The following PPP1R10 variants were observed in gnomAD, a reference collection of about 807,000 sequenced individuals.
PPP1R10 encodes protein phosphatase 1 regulatory subunit 10, also known as serine/threonine-protein phosphatase 1 regulatory subunit 10.
PPP1R10 carries 15 observed loss-of-function variants against 99.0 expected under a neutral mutation model. The ratio of observed to expected loss-of-function variants is 0.15; its 90% CI spans 0.10 to 0.23. The LOEUF (loss-of-function observed/expected upper bound fraction) is 0.23. Ranked by LOEUF, PPP1R10 falls within the 10% of genes least tolerant of loss-of-function variation. The pLI, the probability that PPP1R10 is intolerant of heterozygous loss-of-function variation, is 1.00. For synonymous variants in PPP1R10, 430 were observed against 449.5 expected (o/e 0.96, Z 0.55); for missense variants, 947 against 1,259.4 (o/e 0.75, Z 3.75).
chr6:30,615,728 C>T (rs1322076317), intron 2 of PPP1R10, among the ~76,000 whole-genome samples: 2 of 152,064 alleles, frequency 1.3e-5, no homozygotes, highest in Non-Finnish European at 2.9e-5. Flanking sequence ...AAATGTTAAT[C>T]ACTCTTTTGC....
chr6:30,611,436 G>C (rs528866885), intron 2 of PPP1R10, among the ~76,000 whole-genome samples: 2 of 152,272 alleles, frequency 1.3e-5, no homozygotes, highest in East Asian at 3.9e-4. Flanking sequence ...CCTACATCTA[G>C]CACAGAAGTA....
Position 30,604,807 on chromosome 6 carries a change from A to G in PPP1R10, c.955-72T>C. On this transcript the variant is annotated intron_variant, in intron 11 of 19. Transcript: ENST00000376511. The surrounding 1 kb of genome is among the most constrained non-coding windows in gnomAD (Gnocchi z 7.3). The stretch of plus-strand genomic sequence containing the variant: ...GGCAAGGCAATTAGTCCAGGGTCCC[A>G]GGCACAGTCCCCCAACAGTTCCTAT... 1 of 1,595,748 alleles carries G rather than the reference A, an allele frequency of 6.3e-7. No individual in the cohort carries two copies. The highest frequency in any genetic ancestry group is 1.1e-5 in the South Asian group (1 of 90,698).
chr6:30,605,190 C>A, intron 10 of PPP1R10, 96 bp from the exon 11 acceptor site: 1 of 1,094,860 alleles, frequency 9.1e-7, no homozygotes, highest in Non-Finnish European at 1.3e-6. Flanking sequence ...CCAGTGAAGA[C>A]CCTGCCTCAA....
chr6:30,616,749 G>C lies in PPP1R10; in HGVS notation c.-283C>G, dbSNP rs1274672279. On this transcript the variant is annotated 5_prime_UTR_variant, in exon 2 of 20. Coordinates refer to ENST00000376511, the MANE Select transcript of PPP1R10 (RefSeq NM_002714.4). ...AGTGAATTTGGGTGGTTTGGGAAGGGAGGGTGGTTGATTATTTTTGAAGTT... is the reference window on the plus strand; with the variant it reads ...AGTGAATTTGGGTGGTTTGGGAAGGCAGGGTGGTTGATTATTTTTGAAGTT... 1 of 152,168 alleles carries C rather than the reference G, an allele frequency of 6.6e-6. No individual in the cohort carries two copies. Among genetic ancestry groups the C allele is most frequent in the Non-Finnish European group, 1.5e-5 (1 of 68,030 alleles). The allele number at this position is 152,168 out of a possible 1,614,324, so 9.4% of individuals were successfully genotyped here.
chr6:30,601,433 C>T lies in PPP1R10; in HGVS notation c.*116G>A, dbSNP rs150431954. The T allele has an allele frequency of 7.3e-3, 6,022 of 820,810 alleles. 31 individuals are homozygous for T. Among genetic ancestry groups the T allele is most frequent in the Non-Finnish European group, 9.7e-3 (4,945 of 512,404 alleles). 50.8% of individuals were successfully genotyped at this position (820,810 alleles called of 1,614,324 possible). On this transcript the variant is annotated 3_prime_UTR_variant, in exon 20 of 20. Transcript: ENST00000376511. ...CCCAAGCAAGTGGGAACTGAGGGGG[C>T]CGGCTCCTCATCAGCTGGGGAAAAG... is the stretch of plus-strand genomic sequence containing the variant.
At position 30,603,324 on chromosome 6, in the gene PPP1R10, G is replaced by C. The variant is rs142095042; in HGVS notation, c.1768-39C>G. On this transcript the variant is annotated intron_variant, in intron 16 of 19. Transcript: ENST00000376511. ...AGAAGGCAAAGTCAACAGACAGAAAGGGTAACAACCATGGCGAAAGATAGC... is the reference window on the plus strand; with the variant it reads ...AGAAGGCAAAGTCAACAGACAGAAACGGTAACAACCATGGCGAAAGATAGC... 1.6e-4 allele frequency: 256 copies of C among 1,592,042 alleles called. No individual in the cohort carries two copies. The African/African-American group carries it at 2.4e-3, about 15-fold the overall frequency.
Position 30,601,355 on chromosome 6 carries a change from T to G in PPP1R10, c.*194A>C. On this transcript the variant is annotated 3_prime_UTR_variant, in exon 20 of 20. Coordinates refer to ENST00000376511, the MANE Select transcript of PPP1R10 (RefSeq NM_002714.4). ...TTTCCAGTCTCTCTCCTCCCCAGACTGGAGGAAAATATGTACATCAATGCG... is the reference window on the plus strand; with the variant it reads ...TTTCCAGTCTCTCTCCTCCCCAGACGGGAGGAAAATATGTACATCAATGCG... 3 of 584,898 alleles carry G rather than the reference T, an allele frequency of 5.1e-6. No homozygotes were observed. The highest frequency in any genetic ancestry group is 9.1e-6 in the Non-Finnish European group (3 of 328,418). 36.2% of individuals were successfully genotyped at this position (584,898 alleles called of 1,614,324 possible).
Position 30,602,681 on chromosome 6 carries a change from T to G in PPP1R10, c.1968A>C (p.Gly656=). 1 of 1,604,520 alleles carries G rather than the reference T, an allele frequency of 6.2e-7. No individual in the cohort carries two copies. Among genetic ancestry groups the G allele is most frequent in the Non-Finnish European group, 8.5e-7 (1 of 1,177,164 alleles). The change falls in exon 19 of 20, where the codon GGA becomes GGC. Residue 656 remains glycine (G), a synonymous_variant. Transcript: ENST00000376511. The surrounding 1 kb of genome is among the most constrained non-coding windows in gnomAD (Gnocchi z 6.7). ...GPGGPMPGPH[G]GPGGPVGPRL... ...GTGGACCCACTGGCCCACCAGGGCC[T>G]CCATGGGGACCTGTAAGGGGACAAA...
At position 30,609,005 on chromosome 6, in the gene PPP1R10, A is replaced by AG; in HGVS notation, c.194+71dup. On this transcript the variant is annotated intron_variant, in intron 4 of 19. Transcript: ENST00000376511. This position sits in a 1 kb window ranked among gnomAD's most constrained non-coding sequence, Gnocchi z 4.5. ...AATCCCAGTCTCCCATCAATGACCG[A>AG]GGAACCCCATGCCTCACCGCCCCAT... is the stretch of plus-strand genomic sequence containing the variant. The AG allele has an allele frequency of 1.2e-6, 2 of 1,610,960 alleles. No homozygotes were observed. The highest frequency in any genetic ancestry group is 1.7e-6 in the Non-Finnish European group (2 of 1,177,366).
In PPP1R10 at chr6:30,606,317, G is replaced by T; in HGVS notation, c.635-74C>A. The T allele has an allele frequency of 1.3e-6, 2 of 1,574,516 alleles. No homozygotes were observed. The highest frequency in any genetic ancestry group is 3.4e-5 in the Admixed American group (2 of 58,142). On this transcript the variant is annotated intron_variant, in intron 8 of 19. Transcript: ENST00000376511. The surrounding 1 kb of genome is among the most constrained non-coding windows in gnomAD (Gnocchi z 6.3). ...CCGAATTTTCCTCCCGTTCTCACCC[G>T]CAAATGTTCTTCTAGCCTTGTAACC...
At chr6:30,608,619 G>A (rs538837891) in intron 5 of PPP1R10, among the ~76,000 whole-genome samples, 160 bp downstream of exon 5, 42 of 152,240 alleles carry the variant, frequency 2.8e-4, no homozygotes, top group South Asian at 1.5e-3. Flanking sequence ...CCTATTAAAG[G>A]AGATAAATTC....
In PPP1R10 at chr6:30,604,537, C is replaced by T. The variant is rs769556041; in HGVS notation, c.1103-26G>A. On this transcript the variant is annotated intron_variant, in intron 12 of 19. Transcript: ENST00000376511. The surrounding 1 kb of genome is among the most constrained non-coding windows in gnomAD (Gnocchi z 7.3). ...CTGGAAGCAGAAGAGGTTTCAGACC[C>T]AGATCCCTCCTTTCAGAAAACCCCC... 1.2e-6 allele frequency: 2 copies of T among 1,612,814 alleles called. No homozygotes were observed. The highest frequency in any genetic ancestry group is 1.7e-6 in the Non-Finnish European group (2 of 1,179,920).
In PPP1R10 at chr6:30,603,658, G is replaced by A. The variant is rs1803611232; in HGVS notation, c.1581C>T (p.Ser527=). 6.3e-7 allele frequency: 1 copy of A among 1,594,502 alleles called. No individual in the cohort carries two copies. Among genetic ancestry groups the A allele is most frequent in the East Asian group, 2.2e-5 (1 of 44,664 alleles). Reference sequence around the variant, plus strand: ...TCTCAACATACGGAGTCTCATCCATGGAACACTCCTGAAAGAAGAACAAAA... The same window carrying A: ...TCTCAACATACGGAGTCTCATCCATAGAACACTCCTGAAAGAAGAACAAAA... ...PKLIPLDEEC[S]MDETPYVETL... is the part of the protein sequence containing the mutation. The change falls in exon 16 of 20, where the codon TCC becomes TCT. Residue 527 remains serine, a synonymous_variant. Coordinates refer to ENST00000376511, the MANE Select transcript of PPP1R10 (RefSeq NM_002714.4).
In PPP1R10 at chr6:30,606,759, T is replaced by TA; in HGVS notation, c.460+19dup. ...ATAGGAAAGAAATAAATACAAAGGATAAAGGACTAAGGAGCTTACCAGCAG... is the reference window on the plus strand; with the variant it reads ...ATAGGAAAGAAATAAATACAAAGGATAAAAGGACTAAGGAGCTTACCAGCAG... On this transcript the variant is annotated intron_variant, in intron 7 of 19. Transcript: ENST00000376511. This position sits in a 1 kb window ranked among gnomAD's most constrained non-coding sequence, Gnocchi z 6.3. 6.2e-7 allele frequency: 1 copy of TA among 1,612,194 alleles called. No individual in the cohort carries two copies. Among genetic ancestry groups the TA allele is most frequent in the Non-Finnish European group, 8.5e-7 (1 of 1,178,482 alleles).
At chr6:30,614,671 G>A (rs1463928015) in intron 2 of PPP1R10, 1 of 152,024 alleles carries the variant, frequency 6.6e-6, no homozygotes, top group Non-Finnish European at 1.5e-5. Context: ...GCAAGCCCTT[G>A]TGTCTTTCCC....
Position 30,604,816 on chromosome 6 carries a change from C to T in PPP1R10, c.955-81G>A. Reference sequence around the variant, plus strand: ...ATTAGTCCAGGGTCCCAGGCACAGTCCCCCAACAGTTCCTATATAAAGGAA... The same window carrying T: ...ATTAGTCCAGGGTCCCAGGCACAGTTCCCCAACAGTTCCTATATAAAGGAA... On this transcript the variant is annotated intron_variant, in intron 11 of 19. Coordinates refer to ENST00000376511, the MANE Select transcript of PPP1R10 (RefSeq NM_002714.4). The surrounding 1 kb of genome is among the most constrained non-coding windows in gnomAD (Gnocchi z 7.3). The T allele has an allele frequency of 1.3e-5, 21 of 1,579,700 alleles. No individual in the cohort carries two copies. Among genetic ancestry groups the T allele is most frequent in the Non-Finnish European group, 1.8e-5 (21 of 1,150,756 alleles).
Position 30,600,874 on chromosome 6 carries a change from T to C in PPP1R10, c.*675A>G, listed in dbSNP as rs1208447316. 6.6e-6 allele frequency: 1 copy of C among 152,636 alleles called. No individual in the cohort carries two copies. Among genetic ancestry groups the C allele is most frequent in the Non-Finnish European group, 1.5e-5 (1 of 68,056 alleles). The allele number at this position is 152,636 out of a possible 1,614,324, so 9.5% of individuals were successfully genotyped here. On this transcript the variant is annotated 3_prime_UTR_variant, in exon 20 of 20. Coordinates refer to ENST00000376511, the MANE Select transcript of PPP1R10 (RefSeq NM_002714.4). ...GGTCTCACCTCTGCCAGCTAAAACT[T>C]GCACCGGATGCAGATACGAGTTCGC...
In PPP1R10 at chr6:30,609,209, T is replaced by G; in HGVS notation, c.108-46A>C. On this transcript the variant is annotated intron_variant, in intron 3 of 19. Transcript: ENST00000376511. This position sits in a 1 kb window ranked among gnomAD's most constrained non-coding sequence, Gnocchi z 4.5. ...TTAGAAATGAAGCAGCCAGTATCTC[T>G]TCTCTTAGCAAAAGCGCCTCTCTGT... The G allele has an allele frequency of 2.7e-5, 43 of 1,581,642 alleles. No homozygotes were observed. The highest frequency in any genetic ancestry group is 3.4e-5 in the Non-Finnish European group (39 of 1,151,868).
rs1326266634 is a variant in PPP1R10, at chr6:30,606,552, C to T, written c.550G>A (p.Ala184Thr). ...CTCTTCTTCTCTGGGGCCTCCTCAG[C>T]CCGGGTCTCAGCCTTCACCTCTGTC... Reference protein sequence around the residue: ...PLTEVKAETRAEEAPEKKREK... With the variant: ...PLTEVKAETRTEEAPEKKREK... Residue 184 changes from alanine (A) to threonine (T), a missense_variant, in exon 8 of 20, where the codon GCT becomes ACT. By Grantham distance (58) the Ala-to-Thr change is moderately conservative. Coordinates refer to ENST00000376511, the MANE Select transcript of PPP1R10 (RefSeq NM_002714.4). The surrounding 1 kb of genome is among the most constrained non-coding windows in gnomAD (Gnocchi z 6.3). 2 of 1,614,146 alleles carry T rather than the reference C, an allele frequency of 1.2e-6. No homozygotes were observed. Among genetic ancestry groups the T allele is most frequent in the African/African-American group, 1.3e-5 (1 of 75,032 alleles).
Sources: allele counts gnomAD v4.1 joint callset (sites outside exome capture counted in the v4.1 genomes callset), GRCh38; gene constraint gnomAD v4.1.1; non-coding constraint Gnocchi (gnomAD v3.1); transcripts MANE v1.5; gene names NCBI Gene and HGNC (gene_info 2026-07-23, HGNC 2026-07-21).